Variants in ZBTB20 observed in about 807,000 individuals in gnomAD.
ZBTB20 encodes zinc finger and BTB domain containing 20.
In ZBTB20, 9 loss-of-function variants were observed where a neutral mutation model predicts 56.9. The observed-to-expected ratio is 0.16, with a 90% CI of 0.10 to 0.28. The LOEUF (loss-of-function observed/expected upper bound fraction) is 0.28. ZBTB20 is among the 10% of genes least tolerant of loss of function. ZBTB20 has a pLI of 1.00. For synonymous variants in ZBTB20, 417 were observed against 420.7 expected (o/e 0.99, Z 0.11); for missense variants, 655 against 1,003.0 (o/e 0.65, Z 4.69).
chr3:114,967,889 G>A (rs1052980159), intron 3 of ZBTB20, among the ~76,000 whole-genome samples: 6 of 151,540 alleles, frequency 4.0e-5, no homozygotes, highest in South Asian at 2.1e-4. Flanking sequence ...CCCAGGAGGC[G>A]GAGGTTGCAG....
intron 7 of ZBTB20, among the ~76,000 whole-genome samples, chr3:114,476,010 T>C (rs1030438392): frequency 2.0e-5 from 3 of 152,170 alleles, no homozygotes; most frequent in Admixed American, 6.5e-5. Flanking sequence ...AATTAAGATA[T>C]GTTCATGATA....
At position 114,617,955 on chromosome 3, in the gene ZBTB20, T is replaced by G. The variant is rs565443054; in HGVS notation, c.-295+75573A>C. ...ACACAAACACACATGTATACACTCT[T>G]TCTCCTCTTTAAATTTTCTCCATAG... On this transcript the variant is annotated intron_variant, in intron 6 of 11. Coordinates refer to ENST00000675478, the MANE Select transcript of ZBTB20 (RefSeq NM_001348800.3). Among the ~76,000 whole-genome samples, 16 of 151,350 alleles carry G rather than the reference T, an allele frequency of 1.1e-4. No homozygotes were observed. The South Asian group carries it at 3.3e-3, about 31-fold the overall frequency.
chr3:114,831,848 G>A (rs999202981), intron 4 of ZBTB20, among the ~76,000 whole-genome samples: 1 of 151,978 alleles, frequency 6.6e-6, no homozygotes, highest in African/African-American at 2.4e-5. Context: ...ACAGAGGAAT[G>A]GGACTGTACC....
chr3:114,616,035 A>G (rs1408519234), intron 6 of ZBTB20, among the ~76,000 whole-genome samples: 1 of 152,230 alleles, frequency 6.6e-6, no homozygotes, highest in Non-Finnish European at 1.5e-5. Flanking sequence ...CTGCTCTGCT[A>G]AAATATCATT....
intron 7 of ZBTB20, among the ~76,000 whole-genome samples, chr3:114,495,880 TA>T (rs1239207495): frequency 6.6e-6 from 1 of 152,256 alleles, no homozygotes; most frequent in Non-Finnish European, 1.5e-5. Flanking sequence ...AATCACTTTA[TA>T]AAATAGGCAA....
chr3:114,459,790 T>G (rs191029706), intron 7 of ZBTB20, among the ~76,000 whole-genome samples: 93 of 152,286 alleles, frequency 6.1e-4, no homozygotes, highest in African/African-American at 2.1e-3. Flanking sequence ...TTGGTTATTT[T>G]CATAGTATCG....
At chr3:114,979,290 G>GA in intron 2 of ZBTB20, among the ~76,000 whole-genome samples, 1 of 152,124 alleles carries the variant, frequency 6.6e-6, no homozygotes, top group Middle Eastern at 3.4e-3. Context: ...TGTATAAAGA[G>GA]AGACAAAATA....
intron 7 of ZBTB20, among the ~76,000 whole-genome samples, chr3:114,499,816 A>G (rs1331301490): frequency 6.6e-6 from 1 of 151,582 alleles, no homozygotes; most frequent in Non-Finnish European, 1.5e-5. Flanking sequence ...TGAATCTGGG[A>G]TTTCTTTTTT....
In ZBTB20 at chr3:114,339,875, A is replaced by G. The variant is rs535350250; in HGVS notation, c.1805-449T>C. Among the ~76,000 whole-genome samples the G allele has an allele frequency of 9.2e-5, 14 of 152,356 alleles. 1 individual carries two copies. In the South Asian group the frequency reaches 2.7e-3, roughly 29 times the overall value. On this transcript the variant is annotated intron_variant, in intron 11 of 11. Transcript: ENST00000675478. This position sits in a 1 kb window ranked among gnomAD's most constrained non-coding sequence, Gnocchi z 4.2. Reference sequence around the variant, plus strand: ...GACATGGGGTGCTCTAGAATCCTTGAGAACTAAGGATATTGGTCACTATAG... The same window carrying G: ...GACATGGGGTGCTCTAGAATCCTTGGGAACTAAGGATATTGGTCACTATAG...
rs1486830087 is a variant in ZBTB20, at chr3:114,350,571, C to T, written c.1507G>A (p.Ala503Thr). 1 of 1,614,050 alleles carries T rather than the reference C, an allele frequency of 6.2e-7. No individual in the cohort carries two copies. Among genetic ancestry groups the T allele is most frequent in the South Asian group, 1.1e-5 (1 of 91,092 alleles). The change falls in exon 11 of 12, where the codon GCT becomes ACT. Residue 503 changes from alanine (A) to threonine (T), a missense_variant. By Grantham distance (58) the Ala-to-Thr change is moderately conservative. Transcript: ENST00000675478. ...LTSNTQVIGT[A>T]GNTYLPALFT... Reference sequence around the variant, plus strand: ...AGGGCTGGCAGGTAGGTGTTGCCAGCTGTGCCAATGACCTGCGTGTTGCTG... The same window carrying T: ...AGGGCTGGCAGGTAGGTGTTGCCAGTTGTGCCAATGACCTGCGTGTTGCTG...
chr3:114,759,120 C>A (rs2068248867), intron 5 of ZBTB20: 1 of 152,186 alleles, frequency 6.6e-6, no homozygotes, highest in African/African-American at 2.4e-5. Flanking sequence ...GTCACGAGCA[C>A]AAAAAGTCTT....
At chr3:114,994,703 G>C (rs1244979852) in intron 2 of ZBTB20, among the ~76,000 whole-genome samples, 1 of 151,922 alleles carries the variant, frequency 6.6e-6, no homozygotes, top group Non-Finnish European at 1.5e-5. Flanking sequence ...CTTGAAATCT[G>C]ATTGGACACT....
intron 10 of ZBTB20, among the ~76,000 whole-genome samples, chr3:114,360,347 T>C (rs1158268297): frequency 6.4e-5 from 9 of 141,020 alleles, no homozygotes; most frequent in African/African-American, 2.2e-4. Flanking sequence ...AGATTTTCTT[T>C]TTTTTTTTTT....
intron 4 of ZBTB20, among the ~76,000 whole-genome samples, chr3:114,844,556 T>C (rs2074588103): frequency 3.0e-5 from 1 of 33,240 alleles, no homozygotes; most frequent in South Asian, 1.2e-3. Context: ...AAAAAAACTT[T>C]CATTTCTCTT....
chr3:114,720,413 T>C (rs2064835097), intron 5 of ZBTB20, among the ~76,000 whole-genome samples: 1 of 152,076 alleles, frequency 6.6e-6, no homozygotes, highest in Non-Finnish European at 1.5e-5. Flanking sequence ...TTCTGTTCTA[T>C]AGACATGCAA....
At chr3:114,399,408 A>G in intron 7 of ZBTB20, among the ~76,000 whole-genome samples, 1 of 152,322 alleles carries the variant, frequency 6.6e-6, no homozygotes, top group Admixed American at 6.5e-5. Flanking sequence ...CATGTGAAAT[A>G]GAAGGATAAT....
At chr3:114,653,966 C>G (rs1324051676) in intron 6 of ZBTB20, among the ~76,000 whole-genome samples, 1 of 151,856 alleles carries the variant, frequency 6.6e-6, no homozygotes, top group South Asian at 2.1e-4. Flanking sequence ...ATGATAATCT[C>G]TCATTACTGA....
chr3:114,369,706 C>A (rs1301786067), intron 10 of ZBTB20, among the ~76,000 whole-genome samples: 2 of 152,088 alleles, frequency 1.3e-5, no homozygotes, highest in Non-Finnish European at 2.9e-5. Flanking sequence ...TTGAGGATGT[C>A]CCATGACAAT....
At chr3:114,532,968 C>T (rs1247377780) in intron 6 of ZBTB20, among the ~76,000 whole-genome samples, 1 of 152,170 alleles carries the variant, frequency 6.6e-6, no homozygotes, top group Non-Finnish European at 1.5e-5. Context: ...GATGTCCACA[C>T]AAAAACCCCA....
Sources: allele counts gnomAD v4.1 joint callset (sites outside exome capture counted in the v4.1 genomes callset), GRCh38; gene constraint gnomAD v4.1.1; non-coding constraint Gnocchi (gnomAD v3.1); transcripts MANE v1.5; gene names NCBI Gene and HGNC (gene_info 2026-07-23, HGNC 2026-07-21).